Variants in KMT2D observed in about 807,000 individuals in gnomAD.
KMT2D encodes histone-lysine N-methyltransferase 2D.
A neutral mutation model predicts 512.7 loss-of-function variants in KMT2D; 55 were observed. The observed-to-expected ratio is 0.11, with a 90% confidence interval of 0.09 to 0.13. The LOEUF is 0.13. Ranked by LOEUF, KMT2D falls within the 10% of genes least tolerant of loss-of-function variation. The probability of loss-of-function intolerance (pLI) is 1.00; values close to 1 mark genes in which losing one functional copy is unlikely to be tolerated. For synonymous variants in KMT2D, 2,995 were observed against 2,904.0 expected (o/e 1.03, Z -1.01); for missense variants, 6,061 against 7,127.9 (o/e 0.85, Z 5.39).
chr12:49,032,102 G>C lies in KMT2D; in HGVS notation c.12603C>G (p.Leu4201=), dbSNP rs1318976274. 1 of 1,613,852 alleles carries C rather than the reference G, an allele frequency of 6.2e-7. No homozygotes were observed. Among genetic ancestry groups the C allele is most frequent in the Non-Finnish European group, 8.5e-7 (1 of 1,179,838 alleles). The part of the protein sequence containing the change: ...MPTVGQLRAQ[L]QGVLAKNPQL... Reference sequence around the variant, plus strand: ...GTGGGTTTTTGGCCAGGACTCCTTGGAGCTGTGCTCGAAGCTGACCCACCG... The same window carrying C: ...GTGGGTTTTTGGCCAGGACTCCTTGCAGCTGTGCTCGAAGCTGACCCACCG... The change falls in exon 40 of 55, where the codon CTC becomes CTG. Residue 4201 remains leucine, a synonymous_variant. Coordinates refer to ENST00000301067, the MANE Select transcript of KMT2D (RefSeq NM_003482.4).
Position 49,043,927 on chromosome 12 carries a change from G to C in KMT2D, c.5260C>G (p.Gln1754Glu), listed in dbSNP as rs2120575622. ...SLAEGDEKKK[Q>E]QRRGRKKSKL... ...CTCTTCTTGCGCCCTCGCCGCTGTT[G>C]CTTCTTCTTCTCATCCCCTTCAGCT... The change falls in exon 23 of 55, where the codon CAA becomes GAA. Residue 1754 changes from glutamine to glutamate, a missense_variant. This residue lies in a region of KMT2D where 640 missense variants were observed against 814.3 expected (regional missense o/e 0.79). Coordinates refer to ENST00000301067, the MANE Select transcript of KMT2D (RefSeq NM_003482.4). 1.2e-6 allele frequency: 2 copies of C among 1,614,058 alleles called. No homozygotes were observed. The highest frequency in any genetic ancestry group is 1.7e-6 in the Non-Finnish European group (2 of 1,179,908).
chr12:49,048,903 G>A (rs973375729), intron 13 of KMT2D, 134 bp from the exon 14 acceptor site: 8 of 714,464 alleles, frequency 1.1e-5, no homozygotes, highest in East Asian at 2.5e-5. Context: ...ATAACAGACA[G>A]AACACCCCAG....
rs2120460054 is a variant in KMT2D, at chr12:49,034,802, T to C, written c.10355+10A>G. 1.2e-6 allele frequency: 2 copies of C among 1,612,588 alleles called. No homozygotes were observed. The highest frequency in any genetic ancestry group is 1.7e-6 in the Non-Finnish European group (2 of 1,178,764). ...AAAAGGGCCAACCCCATTCCAGCCC[T>C]GAGTCTTACCTGTTCATACCAGGTG... On this transcript the variant is annotated intron_variant, in intron 36 of 54. Coordinates refer to ENST00000301067, the MANE Select transcript of KMT2D (RefSeq NM_003482.4).
At chr12:49,058,287 C>A (rs1348500363) in intron 1 of KMT2D, among the ~76,000 whole-genome samples, 1 of 152,240 alleles carries the variant, frequency 6.6e-6, no homozygotes, top group Non-Finnish European at 1.5e-5. Context: ...ACGGGAGGGA[C>A]TCTCCATAGA....
rs1942567832 is a variant in KMT2D at position 49,026,096 on chromosome 12, C to G, written c.15784+86G>C. On this transcript the variant is annotated intron_variant, in intron 49 of 54. Transcript: ENST00000301067. The surrounding 1 kb of genome is among the most constrained non-coding windows in gnomAD (Gnocchi z 9.6). ...AGGAGGATCATTCACATAGAAGCTA[C>G]AGGTCCTCTTATAGACATTGTAACA... 2 of 1,295,862 alleles carry G rather than the reference C, an allele frequency of 1.5e-6. No individual in the cohort carries two copies. Among genetic ancestry groups the G allele is most frequent in the Admixed American group, 4.7e-5 (2 of 42,828 alleles). 80.3% of individuals were successfully genotyped at this position (1,295,862 alleles called of 1,614,324 possible).
rs2120678664 is a variant in KMT2D at position 49,051,908 on chromosome 12, G to A, written c.1775C>T (p.Pro592Leu). 1.2e-6 allele frequency: 2 copies of A among 1,613,404 alleles called. No individual in the cohort carries two copies. The highest frequency in any genetic ancestry group is 1.3e-5 in the African/African-American group (1 of 74,824). The change falls in exon 11 of 55, where the codon CCA (proline) becomes CTA (leucine). Residue 592 changes from proline (P) to leucine (L), a missense_variant. Around this residue, in one of 16 missense-constraint regions of KMT2D, gnomAD observed 848 missense variants for 838.5 expected, o/e 1.01. Coordinates refer to ENST00000301067, the MANE Select transcript of KMT2D (RefSeq NM_003482.4). ...SPPPEESPMS[P>L]PPEASRLFPP... ...GAACAGACGAGATGCCTCCGGTGGT[G>A]GAGACATGGGTGACTCTTCAGGTGG... is the stretch of plus-strand genomic sequence containing the variant.
chr12:49,029,677 G>T (rs201196436), intron 43 of KMT2D, among the ~76,000 whole-genome samples: 157 of 132,050 alleles, frequency 1.2e-3, no homozygotes, highest in Middle Eastern at 3.7e-3. Flanking sequence ...TGTTTTTTTT[G>T]TTTTTTTTTT....
At chr12:49,029,978 AT>A (rs1942817339) in intron 43 of KMT2D, among the ~76,000 whole-genome samples, 1 of 152,194 alleles carries the variant, frequency 6.6e-6, no homozygotes, top group Non-Finnish European at 1.5e-5. Flanking sequence ...AGGAACCAGA[AT>A]TCAAATCCAG....
intron 46 of KMT2D, among the ~76,000 whole-genome samples, chr12:49,028,458 C>A (rs1942721841): frequency 6.6e-6 from 1 of 152,162 alleles, no homozygotes; most frequent in Non-Finnish European, 1.5e-5. Flanking sequence ...GTAAAGAAAC[C>A]CATATTGTCA....
rs2120610611 is a variant in KMT2D at position 49,046,662 on chromosome 12, G to A, written c.4365C>T (p.Tyr1455=). The A allele has an allele frequency of 6.2e-7, 1 of 1,614,002 alleles. No individual in the cohort carries two copies. The highest frequency in any genetic ancestry group is 8.5e-7 in the Non-Finnish European group (1 of 1,179,892). The change falls in exon 16 of 55, where the codon TAC becomes TAT. Residue 1455 remains tyrosine (Y), a synonymous_variant. Transcript: ENST00000301067. This position sits in a 1 kb window ranked among gnomAD's most constrained non-coding sequence, Gnocchi z 4.2. ...CDDCDISYHT[Y]CLDPPLLTVP... is the part of the protein sequence containing the mutation. ...CGGTGAGCAGTGGGGGGTCCAGGCAGTATGTGTGGTAGCTAATATCACAGT... is the reference window on the plus strand; with the variant it reads ...CGGTGAGCAGTGGGGGGTCCAGGCAATATGTGTGGTAGCTAATATCACAGT...
chr12:49,034,448 G>A lies in KMT2D; in HGVS notation c.10469C>T (p.Pro3490Leu), dbSNP rs376980951. The change falls in exon 38 of 55, where the codon CCT becomes CTT. Residue 3490 changes from proline to leucine, a missense_variant. Physicochemically the swap from Pro to Leu is moderately conservative, Grantham distance 98 (BLOSUM62 -3). Coordinates refer to ENST00000301067, the MANE Select transcript of KMT2D (RefSeq NM_003482.4). The stretch of plus-strand genomic sequence containing the variant: ...AGCAAAAGTGGGCGGGTTGGGACGA[G>A]GCTGGGAGGGATCACCAGCACTCCG... ...QERSAGDPSQ[P>L]RPNPPTFAQG... 6.3e-5 allele frequency: 102 copies of A among 1,613,818 alleles called. No individual in the cohort carries two copies. The South Asian group carries it at 6.8e-4, about 11-fold the overall frequency.
At chr12:49,058,303 G>A (rs975034268) in intron 1 of KMT2D, among the ~76,000 whole-genome samples, 9 of 152,194 alleles carry the variant, frequency 5.9e-5, no homozygotes, top group Admixed American at 3.9e-4. Context: ...ATAGAATGCC[G>A]GAGTGGAGAG....
In KMT2D at chr12:49,044,513, TCCA is replaced by T. The variant is rs1410208037; in HGVS notation, c.4970_4972del (p.Val1657del). 5 of 1,613,850 alleles carry T rather than the reference TCCA, an allele frequency of 3.1e-6. No individual in the cohort carries two copies. The highest frequency in any genetic ancestry group is 4.2e-6 in the Non-Finnish European group (5 of 1,179,880). On this transcript the variant is annotated inframe_deletion, in exon 21 of 55. Transcript: ENST00000301067. This position sits in a 1 kb window ranked among gnomAD's most constrained non-coding sequence, Gnocchi z 6.4. ...CAGTTTAATTTCGCACTCCATGTGC[TCCA>T]CACCACCTGCGTATGGTGACAGAAG...
Position 49,060,510 on chromosome 12 carries a change from G to T in KMT2D, c.-935C>A, listed in dbSNP as rs894685773. 6.6e-6 allele frequency among the ~76,000 whole-genome samples: 1 copy of T among 152,246 alleles called. No homozygotes were observed. On this transcript the variant is annotated 5_prime_UTR_variant, in exon 1 of 55. Coordinates refer to ENST00000301067, the MANE Select transcript of KMT2D (RefSeq NM_003482.4). ...CCAACCCCGGCTCCCGGCACCGGGG[G>T]GTCAGGAAACTGAGCGGAAAGTGGG...
rs587778480 is a variant in KMT2D at position 49,030,982 on chromosome 12, C to T, written c.13582G>A (p.Ala4528Thr). 1.5e-5 allele frequency: 25 copies of T among 1,613,156 alleles called. No homozygotes were observed. The highest frequency in any genetic ancestry group is 1.6e-4 in the Middle Eastern group (1 of 6,078). The change falls in exon 41 of 55, where the codon GCA (alanine) becomes ACA (threonine). Residue 4528 changes from alanine to threonine, a missense_variant. By Grantham distance (58) the Ala-to-Thr change is moderately conservative. This residue lies in a region of KMT2D where 1,600 missense variants were observed against 1,754.9 expected (regional missense o/e 0.91). Transcript: ENST00000301067. The part of the protein sequence containing the change: ...LTPKPKRVQK[A>T]SDRLVSSRKK... ...CGGGAGCTCACCAACCTGTCGCTTGCCTTCTGTACCCGCTTGGGCTTCGGT... is the reference window on the plus strand; with the variant it reads ...CGGGAGCTCACCAACCTGTCGCTTGTCTTCTGTACCCGCTTGGGCTTCGGT...
rs1441362256 is a variant in KMT2D, at chr12:49,031,845, G to A, written c.12860C>T (p.Pro4287Leu). ...LGAGPRPQGP[P>L]RLPAPPGALS... ...GGCTCCTGGTGGGGCAGGGAGCCGG[G>A]GTGGGCCCTGAGGTCGAGGCCCTGC... The change falls in exon 40 of 55, where the codon CCC becomes CTC. Residue 4287 changes from proline (P) to leucine (L), a missense_variant. Pro to Leu is a moderately conservative substitution (Grantham distance 98, BLOSUM62 -3). Around this residue, in one of 16 missense-constraint regions of KMT2D, gnomAD observed 1,600 missense variants for 1,754.9 expected, o/e 0.91. Coordinates refer to ENST00000301067, the MANE Select transcript of KMT2D (RefSeq NM_003482.4). 1.3e-6 allele frequency: 2 copies of A among 1,550,570 alleles called. No homozygotes were observed. The highest frequency in any genetic ancestry group is 2.3e-5 in the East Asian group (1 of 44,304).
Position 49,041,903 on chromosome 12 carries a change from C to A in KMT2D, c.6183+14G>T. The A allele has an allele frequency of 6.3e-7, 1 of 1,596,822 alleles. No individual in the cohort carries two copies. Among genetic ancestry groups the A allele is most frequent in the African/African-American group, 1.3e-5 (1 of 74,834 alleles). ...CTCAGTTCCCACGCTAATCCATGCT[C>A]CTTTCTGCCTCACCAGGTAGGGGGC... On this transcript the variant is annotated intron_variant, in intron 30 of 54. Coordinates refer to ENST00000301067, the MANE Select transcript of KMT2D (RefSeq NM_003482.4). This position sits in a 1 kb window ranked among gnomAD's most constrained non-coding sequence, Gnocchi z 5.4.
rs750254886 is a variant in KMT2D at position 49,029,487 on chromosome 12, G to T, written c.14000-11C>A. ...TCACCTCTGAAGTATCTGAGGGGTGGGTAGGGAGAAGAAAAGTCAGGTGAG... is the reference window on the plus strand; with the variant it reads ...TCACCTCTGAAGTATCTGAGGGGTGTGTAGGGAGAAGAAAAGTCAGGTGAG... On this transcript the variant is annotated splice_polypyrimidine_tract_variant and intron_variant, in intron 43 of 54. Coordinates refer to ENST00000301067, the MANE Select transcript of KMT2D (RefSeq NM_003482.4). 6.4e-7 allele frequency: 1 copy of T among 1,551,972 alleles called. No individual in the cohort carries two copies. The highest frequency in any genetic ancestry group is 8.7e-7 in the Non-Finnish European group (1 of 1,146,820).
rs34436857 is a variant in KMT2D at position 49,045,738 on chromosome 12, A to G, written c.4741+182T>C. Among the ~76,000 whole-genome samples, 44,084 of 151,736 alleles carry G rather than the reference A, an allele frequency of 0.29. 7,107 individuals carry two copies. The highest frequency in any genetic ancestry group is 0.43 in the South Asian group (2,086 of 4,808). Reference sequence around the variant, plus strand: ...AGGAACATTGCCCGGGAAGCTGGAGACCTTGGTTCTAGGCATAACTTTGCC... The same window carrying G: ...AGGAACATTGCCCGGGAAGCTGGAGGCCTTGGTTCTAGGCATAACTTTGCC... On this transcript the variant is annotated intron_variant, in intron 19 of 54. Coordinates refer to ENST00000301067, the MANE Select transcript of KMT2D (RefSeq NM_003482.4).
Sources: gnomAD v4.1 joint callset for allele counts (sites outside exome capture counted in the v4.1 genomes callset) on GRCh38, gnomAD v4.1.1 for gene constraint, gnomAD v4.1.1 regional missense constraint, Gnocchi (gnomAD v3.1) non-coding constraint, MANE v1.5 for transcripts, NCBI Gene and HGNC (gene_info 2026-07-23, HGNC 2026-07-21) for gene names.